TANC2: variants seen among roughly 807,000 people sequenced by gnomAD.
The protein encoded by TANC2 is tetratricopeptide repeat, ankyrin repeat and coiled-coil containing 2, also known as protein TANC2.
A neutral mutation model predicts 210.5 loss-of-function variants in TANC2; 26 were observed. That is an observed-to-expected ratio of 0.12 (90% CI 0.09 to 0.17). The LOEUF is 0.17. Ranked by LOEUF, TANC2 falls within the 10% of genes least tolerant of loss-of-function variation. TANC2 has a pLI of 1.00. For missense variants in TANC2, 2,129 were observed against 2,608.9 expected, an observed-to-expected ratio of 0.82 and a Z score of 4.01; for synonymous variants, 931 against 967.1, an observed-to-expected ratio of 0.96 and a Z score of 0.69.
intron 1 of TANC2, among the ~76,000 whole-genome samples, chr17:62,995,279 T>TCAA (rs1173617543): frequency 6.6e-6 from 1 of 152,246 alleles, no homozygotes; most frequent in African/African-American, 2.4e-5. Context: ...GTAGTTGGTT[T>TCAA]GGAGTGGACG....
At chr17:63,032,221 C>T (rs2034799039) in intron 2 of TANC2, among the ~76,000 whole-genome samples, 1 of 152,136 alleles carries the variant, frequency 6.6e-6, no homozygotes, top group South Asian at 2.1e-4. Flanking sequence ...TGATTCAGTT[C>T]TTTTGTTTTC....
intron 1 of TANC2, among the ~76,000 whole-genome samples, chr17:62,996,994 T>TTTTTTTTTTTTTTTTTTTTTTTGAGACGG (rs2033144497): frequency 2.8e-5 from 4 of 143,658 alleles, no homozygotes; most frequent in African/African-American, 5.4e-5. Flanking sequence ...TTTGTATTTT[T>TTTTTTTTTTTTTTTTTTTTTTTGAGACGG]AGTATAGATG....
At chr17:63,181,967 A>G (rs1268980716) in intron 5 of TANC2, among the ~76,000 whole-genome samples, 1 of 152,062 alleles carries the variant, frequency 6.6e-6, no homozygotes, top group Non-Finnish European at 1.5e-5. Context: ...AGTAGGCGGA[A>G]GAGAAGTTGA....
intron 9 of TANC2, among the ~76,000 whole-genome samples, chr17:63,272,970 G>A (rs1000211593): frequency 3.3e-5 from 5 of 150,520 alleles, no homozygotes; most frequent in South Asian, 4.2e-4. Flanking sequence ...TTTTGGTCCC[G>A]GGAGCCTTTT....
At chr17:63,010,943 A>T (rs1338288632) in intron 2 of TANC2, among the ~76,000 whole-genome samples, 9 of 151,982 alleles carry the variant, frequency 5.9e-5, no homozygotes, top group Non-Finnish European at 1.2e-4. Context: ...TTGGGTTTTT[A>T]TGGAGGCTCC....
intron 2 of TANC2, among the ~76,000 whole-genome samples, chr17:63,027,547 T>C (rs537791929): frequency 1.2e-4 from 18 of 152,186 alleles, no homozygotes; most frequent in African/African-American, 4.3e-4. Context: ...AAAAAACCTC[T>C]TGATAACAGA....
intron 10 of TANC2, among the ~76,000 whole-genome samples, chr17:63,314,889 G>T (rs1259306799): frequency 2.0e-5 from 3 of 152,096 alleles, no homozygotes; most frequent in Admixed American, 1.3e-4. Flanking sequence ...AACCTTTCTC[G>T]TGGAATAAGT....
At position 63,142,898 on chromosome 17, in the gene TANC2, G is replaced by A. The variant is rs1304393614; in HGVS notation, c.323-8372G>A. Among the ~76,000 whole-genome samples, 3 of 152,112 alleles carry A rather than the reference G, an allele frequency of 2.0e-5. No homozygotes were observed. In the East Asian group the frequency reaches 5.8e-4, roughly 29 times the overall value. ...TGCAATACATTTTTCTCTTTAAATT[G>A]TGTAGCCTATGTTTTGTCCCATTTT... On this transcript the variant is annotated intron_variant, in intron 4 of 27. Transcript: ENST00000689528.
At chr17:63,225,836 A>G (rs2042313870) in intron 7 of TANC2, among the ~76,000 whole-genome samples, 1 of 152,200 alleles carries the variant, frequency 6.6e-6, no homozygotes, top group South Asian at 2.1e-4. Flanking sequence ...ACAGGAGATC[A>G]TGAATTTGGA....
At chr17:63,273,750 G>A (rs2043790826) in intron 9 of TANC2, among the ~76,000 whole-genome samples, 1 of 152,182 alleles carries the variant, frequency 6.6e-6, no homozygotes, top group South Asian at 2.1e-4. Flanking sequence ...ATTGCAGTAG[G>A]CGAGCTTAGT....
chr17:63,019,150 G>A (rs1598264297), intron 2 of TANC2, among the ~76,000 whole-genome samples: 1 of 152,228 alleles, frequency 6.6e-6, no homozygotes, highest in Non-Finnish European at 1.5e-5. Context: ...CACCAGCAAT[G>A]TATAAGTAAT....
chr17:63,029,360 A>G (rs1296998820), intron 2 of TANC2, among the ~76,000 whole-genome samples: 1 of 152,120 alleles, frequency 6.6e-6, no homozygotes, highest in Non-Finnish European at 1.5e-5. Flanking sequence ...CTTGGAACAG[A>G]AATATCTCTT....
chr17:63,099,178 G>A lies in TANC2; in HGVS notation c.143G>A (p.Gly48Asp), dbSNP rs1194084981. ...TTGTTCCATCCCCTTCTAACAGGTG[G>A]CATCTCCACAGAAAGCGACTGTGCT... The change falls in exon 4 of 28, where the codon GGC becomes GAC. Residue 48 changes from glycine (G) to aspartate (D), a missense_variant. Gly to Asp is a moderately conservative substitution (Grantham distance 94). This residue lies in a region of TANC2 where 739 missense variants were observed against 848.0 expected (regional missense o/e 0.87). Coordinates refer to ENST00000689528, the Ensembl canonical transcript of TANC2. The A allele has an allele frequency of 6.2e-6, 10 of 1,609,976 alleles. No individual in the cohort carries two copies. Among genetic ancestry groups the A allele is most frequent in the Non-Finnish European group, 6.8e-6 (8 of 1,178,114 alleles).
At chr17:63,019,601 T>A (rs4968640) in intron 2 of TANC2, among the ~76,000 whole-genome samples, 1 of 152,158 alleles carries the variant, frequency 6.6e-6, no homozygotes, top group Admixed American at 6.5e-5. Context: ...ATAAATTTAT[T>A]GAGTATAGGT....
At chr17:63,361,990 G>A (rs950340593) in intron 14 of TANC2, among the ~76,000 whole-genome samples, 2 of 152,204 alleles carry the variant, frequency 1.3e-5, no homozygotes, top group African/African-American at 4.8e-5. Context: ...GCAGAGAGGA[G>A]ACCTGGAATG....
chr17:62,993,318 G>T (rs191205006), intron 1 of TANC2, among the ~76,000 whole-genome samples: 1 of 152,098 alleles, frequency 6.6e-6, no homozygotes, highest in Non-Finnish European at 1.5e-5. Flanking sequence ...GTCCCTTGCC[G>T]TTTCCACATT....
intron 9 of TANC2, among the ~76,000 whole-genome samples, chr17:63,309,992 A>G (rs950231516): frequency 2.0e-5 from 3 of 151,996 alleles, no homozygotes; most frequent in Non-Finnish European, 4.4e-5. Flanking sequence ...TTAGATCCCT[A>G]CTCTATACCA....
rs140389414 is a variant in TANC2, at chr17:63,228,411, G to A, written c.770-9403G>A. Among the ~76,000 whole-genome samples the A allele has an allele frequency of 2.6e-3, 394 of 152,202 alleles. 5 individuals carry two copies. Among genetic ancestry groups the A allele is most frequent in the East Asian group, 9.4e-3 (49 of 5,188 alleles). On this transcript the variant is annotated intron_variant, in intron 7 of 27. Transcript: ENST00000689528. ...TTGCTTAGGATTGCCTTGGCTATACGGGCTCTTTGTTGGTTCCATATGAAT... is the reference window on the plus strand; with the variant it reads ...TTGCTTAGGATTGCCTTGGCTATACAGGCTCTTTGTTGGTTCCATATGAAT...
chr17:63,335,947 T>C lies in TANC2; in HGVS notation c.1576-4154T>C, dbSNP rs114017247. ...TAGTTCAAAGTAAAAAATTAAAAAA[T>C]AAATAAAAGTCCTACTGCCAAAAAA... On this transcript the variant is annotated intron_variant, in intron 11 of 27. Coordinates refer to ENST00000689528, the Ensembl canonical transcript of TANC2. 2.1e-3 allele frequency among the ~76,000 whole-genome samples: 320 copies of C among 151,252 alleles called. 1 individual carries two copies. The highest frequency in any genetic ancestry group is 7.4e-3 in the African/African-American group (305 of 41,156).
Sources: gnomAD v4.1 joint callset for allele counts (sites outside exome capture counted in the v4.1 genomes callset) on GRCh38, gnomAD v4.1.1 for gene constraint, gnomAD v4.1.1 regional missense constraint, MANE v1.5 for transcripts, NCBI Gene and HGNC (gene_info 2026-07-23, HGNC 2026-07-21) for gene names.